DZIP3: variants seen among roughly 807,000 people sequenced by gnomAD.
The protein encoded by DZIP3 is DAZ interacting zinc finger protein 3.
DZIP3 carries 118 observed loss-of-function variants against 162.0 expected under a neutral mutation model. The ratio of observed to expected loss-of-function variants is 0.73; its 90% CI spans 0.63 to 0.85. The LOEUF is 0.85. Ranked by LOEUF, DZIP3 falls within the 40% of genes least tolerant of loss-of-function variation. DZIP3 has a pLI of 0.00. For synonymous variants in DZIP3, 438 were observed against 458.6 expected (o/e 0.96, Z 0.57); for missense variants, 1,331 against 1,407.0 (o/e 0.95, Z 0.86).
At chr3:108,630,808 A>C (rs1220327080) in intron 8 of DZIP3, among the ~76,000 whole-genome samples, 1 of 151,978 alleles carries the variant, frequency 6.6e-6, no homozygotes, top group Non-Finnish European at 1.5e-5. Flanking sequence ...ATCTTTAAAG[A>C]CTTAAAATAA....
intron 27 of DZIP3, among the ~76,000 whole-genome samples, chr3:108,685,474 G>C (rs1417420931): frequency 3.3e-5 from 5 of 152,068 alleles, no homozygotes; most frequent in African/African-American, 1.2e-4. Context: ...ACCCATTAGA[G>C]CCTTACATAA....
In DZIP3 at chr3:108,605,452, C is replaced by T; in HGVS notation, c.32+14C>T. The T allele has an allele frequency of 1.2e-6, 2 of 1,612,650 alleles. No homozygotes were observed. Among genetic ancestry groups the T allele is most frequent in the South Asian group, 1.1e-5 (1 of 90,892 alleles). On this transcript the variant is annotated intron_variant, in intron 2 of 32. Transcript: ENST00000361582. ...ATTTTTTGTGAGGTAAGGCCACAGTCCCCAACCTTTTTGGCACCATGGACT... is the reference window on the plus strand; with the variant it reads ...ATTTTTTGTGAGGTAAGGCCACAGTTCCCAACCTTTTTGGCACCATGGACT...
In DZIP3 at chr3:108,688,602, A is replaced by G; in HGVS notation, c.3280A>G (p.Lys1094Glu). The change falls in exon 30 of 33, where the codon AAA (lysine) becomes GAA (glutamate). Residue 1094 changes from lysine to glutamate, a missense_variant. Around this residue, in one of 2 missense-constraint regions of DZIP3, gnomAD observed 1,278 missense variants for 1,317.1 expected, o/e 0.97. Coordinates refer to ENST00000361582, the MANE Select transcript of DZIP3 (RefSeq NM_014648.4). The stretch of plus-strand genomic sequence containing the variant: ...ATGTTCTTATTTTCAGAGTCAAGGA[A>G]AATCAGTGTCAAATGTTAATTGTGT... ...IDPKKSQSQGKSVSNVNCVSP... is the reference protein window; with the variant it reads ...IDPKKSQSQGESVSNVNCVSP... 6.2e-7 allele frequency: 1 copy of G among 1,610,224 alleles called. No homozygotes were observed.
Position 108,632,987 on chromosome 3 carries a change from G to A in DZIP3, c.731G>A (p.Ser244Asn), listed in dbSNP as rs764593127. ...LLNNFIKTTESNIMKQTICSY... is the reference protein window; with the variant it reads ...LLNNFIKTTENNIMKQTICSY... ...AATAATTTTATCAAGACAACTGAAA[G>A]CAATATAATGAAGCAGACGATTTGT... is the stretch of plus-strand genomic sequence containing the variant. Residue 244 changes from serine to asparagine, a missense_variant, in exon 9 of 33, where the codon AGC (serine) becomes AAC (asparagine). Around this residue, in one of 2 missense-constraint regions of DZIP3, gnomAD observed 1,278 missense variants for 1,317.1 expected, o/e 0.97. Transcript: ENST00000361582. The A allele has an allele frequency of 3.4e-6, 5 of 1,463,754 alleles. No homozygotes were observed. In the East Asian group the frequency reaches 7.4e-5, roughly 22 times the overall value. 90.7% of individuals were successfully genotyped at this position (1,463,754 alleles called of 1,614,324 possible). A position where few individuals can be genotyped will look rare whatever the true frequency, so the allele number is the denominator to read the frequency against.
At chr3:108,610,276 G>A (rs565092399) in intron 3 of DZIP3, among the ~76,000 whole-genome samples, 1 of 152,126 alleles carries the variant, frequency 6.6e-6, no homozygotes, top group Non-Finnish European at 1.5e-5. Flanking sequence ...AGTGGATACC[G>A]AATACCATGG....
At chr3:108,591,996 A>G (rs1037659798) in intron 1 of DZIP3, among the ~76,000 whole-genome samples, 3 of 150,764 alleles carry the variant, frequency 2.0e-5, no homozygotes, top group African/African-American at 4.9e-5. Context: ...AAAAAAAAAA[A>G]AGAGATGAGT....
At chr3:108,601,412 C>T (rs1940008917) in intron 1 of DZIP3, among the ~76,000 whole-genome samples, 1 of 152,112 alleles carries the variant, frequency 6.6e-6, no homozygotes, top group South Asian at 2.1e-4. Flanking sequence ...ATTGAGAGAG[C>T]CTGATATACT....
chr3:108,616,215 G>C (rs984545372), intron 4 of DZIP3, among the ~76,000 whole-genome samples: 13 of 152,006 alleles, frequency 8.6e-5, no homozygotes, highest in African/African-American at 3.1e-4. Flanking sequence ...AGTGAGCTGA[G>C]ATTGCGCCAG....
intron 19 of DZIP3, among the ~76,000 whole-genome samples, chr3:108,658,069 TAGAC>T (rs1943228298): frequency 6.8e-6 from 1 of 146,834 alleles, no homozygotes. Flanking sequence ...CTGTCAACAT[TAGAC>T]AGATCAATGA....
Position 108,654,313 on chromosome 3 carries a change from A to G in DZIP3, c.2199+3A>G, listed in dbSNP as rs774094437. 3 of 1,613,502 alleles carry G rather than the reference A, an allele frequency of 1.9e-6. No individual in the cohort carries two copies. Among genetic ancestry groups the G allele is most frequent in the South Asian group, 1.1e-5 (1 of 91,056 alleles). On this transcript the variant is annotated splice_donor_region_variant and intron_variant, in intron 19 of 32. Coordinates refer to ENST00000361582, the MANE Select transcript of DZIP3 (RefSeq NM_014648.4). ...ATATTCTGGACATGATAGAGCAGGT[A>G]AGCATGATTAGAGAGGGTGCCTGCC... is the stretch of plus-strand genomic sequence containing the variant.
intron 5 of DZIP3, among the ~76,000 whole-genome samples, chr3:108,622,931 C>T (rs895293783): frequency 1.5e-4 from 22 of 145,294 alleles, no homozygotes; most frequent in Non-Finnish European, 2.4e-4. Flanking sequence ...AGGGGTGACA[C>T]AAGCATTCTT....
intron 4 of DZIP3, among the ~76,000 whole-genome samples, chr3:108,612,704 A>G (rs1940784659): frequency 6.6e-6 from 1 of 152,160 alleles, no homozygotes. Context: ...CATATCTAAT[A>G]CAATGTAAAT....
At chr3:108,592,219 A>G (rs546432192) in intron 1 of DZIP3, among the ~76,000 whole-genome samples, 57 of 152,262 alleles carry the variant, frequency 3.7e-4, no homozygotes, top group South Asian at 1.5e-3. Flanking sequence ...TAACCAGGAT[A>G]ATTGAGGTGG....
At position 108,616,243 on chromosome 3, in the gene DZIP3, G is replaced by A. The variant is rs546545294; in HGVS notation, c.259-298G>A. Reference sequence around the variant, plus strand: ...TGCGCCAGTGAACTCCAGCCAGGGCGACAGAGCGAGACTCCATCTCAAAAA... The same window carrying A: ...TGCGCCAGTGAACTCCAGCCAGGGCAACAGAGCGAGACTCCATCTCAAAAA... On this transcript the variant is annotated intron_variant, in intron 4 of 32. Transcript: ENST00000361582. Among the ~76,000 whole-genome samples the A allele has an allele frequency of 1.3e-3, 201 of 151,378 alleles. 1 individual carries two copies. The highest frequency in any genetic ancestry group is 1.7e-3 in the Non-Finnish European group (114 of 67,918).
intron 5 of DZIP3, among the ~76,000 whole-genome samples, chr3:108,622,799 C>T (rs1442206408): frequency 6.6e-6 from 1 of 150,752 alleles, no homozygotes; most frequent in Non-Finnish European, 1.5e-5. Context: ...CAGGCAGAGA[C>T]TCTTGTTCTC....
intron 25 of DZIP3, among the ~76,000 whole-genome samples, chr3:108,677,143 A>G (rs188172841): frequency 4.9e-4 from 75 of 152,176 alleles, no homozygotes; most frequent in Non-Finnish European, 8.5e-4. Flanking sequence ...TTTAGCCAGT[A>G]TAATATTTAT....
At chr3:108,601,937 T>G (rs1279265386) in intron 1 of DZIP3, among the ~76,000 whole-genome samples, 1 of 152,170 alleles carries the variant, frequency 6.6e-6, no homozygotes, top group Non-Finnish European at 1.5e-5. Flanking sequence ...ACCCCTAGTT[T>G]TAGTCAGTCA....
chr3:108,680,129 T>C (rs1944252738), intron 26 of DZIP3, among the ~76,000 whole-genome samples: 1 of 152,052 alleles, frequency 6.6e-6, no homozygotes. Context: ...AAATTAGGTA[T>C]AGGAGGTACA....
At chr3:108,595,273 A>G (rs1055325873) in intron 1 of DZIP3, among the ~76,000 whole-genome samples, 32 of 152,160 alleles carry the variant, frequency 2.1e-4, no homozygotes, top group Admixed American at 6.5e-5. Context: ...ACTGGAGTGC[A>G]GTGGCATGAT....
Sources: gnomAD v4.1 joint callset for allele counts (sites outside exome capture counted in the v4.1 genomes callset) on GRCh38, gnomAD v4.1.1 for gene constraint, gnomAD v4.1.1 regional missense constraint, MANE v1.5 for transcripts, NCBI Gene and HGNC (gene_info 2026-07-23, HGNC 2026-07-21) for gene names.